Variants in NPRL3 observed in about 807,000 individuals in gnomAD.
The protein encoded by NPRL3 is GATOR1 complex protein NPRL3.
Under a neutral mutation model 57.2 loss-of-function variants are expected in NPRL3, and 23 were observed. That is an observed-to-expected ratio of 0.40 (90% CI 0.29 to 0.57). NPRL3 has a LOEUF of 0.57. NPRL3 is among the 20% of genes least tolerant of loss of function. The pLI, the probability that NPRL3 is intolerant of heterozygous loss-of-function variation, is 0.42. For synonymous variants in NPRL3, 333 were observed against 321.1 expected, an observed-to-expected ratio of 1.04 and a Z score of -0.39; for missense variants, 691 against 767.1, an observed-to-expected ratio of 0.90 and a Z score of 1.17.
At chr16:133,933 C>T (rs934249430) in intron 2 of NPRL3, among the ~76,000 whole-genome samples, 4 of 152,074 alleles carry the variant, frequency 2.6e-5, no homozygotes, top group South Asian at 2.1e-4. Context: ...AACAGATGGG[C>T]GAACAGCCAG....
rs1898456166 is a variant in NPRL3 at position 86,099 on chromosome 16, C to T, written c.*606G>A. The T allele has an allele frequency of 3.7e-6, 1 of 268,804 alleles. No homozygotes were observed. Among genetic ancestry groups the T allele is most frequent in the African/African-American group, 2.2e-5 (1 of 45,460 alleles). The allele number at this position is 268,804 out of a possible 1,614,324, so 16.7% of individuals were successfully genotyped here. On this transcript the variant is annotated 3_prime_UTR_variant, in exon 14 of 14. Transcript: ENST00000611875. ...AGGGCCAGCCCAGGCCCTCGTGCCCCAGATGGTCAGGACCAGGTCACAGCT... is the reference window on the plus strand; with the variant it reads ...AGGGCCAGCCCAGGCCCTCGTGCCCTAGATGGTCAGGACCAGGTCACAGCT...
chr16:102,954 C>T (rs1230015138), intron 7 of NPRL3, among the ~76,000 whole-genome samples: 2 of 152,022 alleles, frequency 1.3e-5, no homozygotes, highest in African/African-American at 4.8e-5. Flanking sequence ...GTCCCAGCCG[C>T]TAAGGAATTA....
chr16:93,166 G>A, intron 10 of NPRL3, 53 bp downstream of exon 10: 2 of 1,207,180 alleles, frequency 1.7e-6, no homozygotes, highest in Non-Finnish European at 2.4e-6. Flanking sequence ...GGCCCTGCCA[G>A]CCTCACCCCT....
At chr16:88,938 C>G (rs1898632476) in intron 12 of NPRL3, 48 bp from the exon 13 acceptor site, 1 of 1,564,380 alleles carries the variant, frequency 6.4e-7, no homozygotes, top group Non-Finnish European at 8.7e-7. Context: ...CCAGGACACC[C>G]AGGGGAACAG....
rs1900182866 is a variant in NPRL3, at chr16:119,227, A to C, written c.217T>G (p.Leu73Val). The change falls in exon 4 of 14, where the codon TTG becomes GTG. Residue 73 changes from leucine (L) to valine (V), a missense_variant. By Grantham distance (32) the Leu-to-Val change is conservative. Transcript: ENST00000611875. Reference sequence around the variant, plus strand: ...CCACACATTTCAGACTTGGTTGCCAAAATTGTTGCCAGAATAACATCTGAA... The same window carrying C: ...CCACACATTTCAGACTTGGTTGCCACAATTGTTGCCAGAATAACATCTGAA... ...RFSDVILATILATKSEMCGQK... is the reference protein window; with the variant it reads ...RFSDVILATIVATKSEMCGQK... 6.2e-7 allele frequency: 1 copy of C among 1,610,492 alleles called. No homozygotes were observed.
chr16:100,952 C>G (rs1278601579), intron 7 of NPRL3, among the ~76,000 whole-genome samples: 1 of 100,124 alleles, frequency 1.0e-5, no homozygotes, highest in Admixed American at 1.5e-4. Flanking sequence ...GCCTGGGCAA[C>G]AAGGCAAGAC....
chr16:130,377 C>T (rs913993587), intron 3 of NPRL3, 145 bp downstream of exon 3: 2 of 771,448 alleles, frequency 2.6e-6, no homozygotes, highest in Non-Finnish European at 2.1e-6. Flanking sequence ...CTCCACTCTA[C>T]ACTACCTGAG....
chr16:112,834 A>G (rs1899877778), intron 5 of NPRL3, 59 bp from the exon 6 acceptor site: 1 of 1,467,270 alleles, frequency 6.8e-7, no homozygotes, highest in East Asian at 2.4e-5. Flanking sequence ...AGCTGGACAC[A>G]GTTTAAATGG....
rs1898404660 is a variant in NPRL3 at position 85,405 on chromosome 16, C to CG, written c.*1299dup. 1.2e-6 allele frequency: 2 copies of CG among 1,602,528 alleles called. No homozygotes were observed. The highest frequency in any genetic ancestry group is 1.7e-6 in the Non-Finnish European group (2 of 1,173,966). On this transcript the variant is annotated 3_prime_UTR_variant, in exon 14 of 14. Coordinates refer to ENST00000611875, the MANE Select transcript of NPRL3 (RefSeq NM_001077350.3). ...TCCAAACTGTCCGTCCCACAGGGGA[C>CG]GGGGCTTGCGTCTTGCTGCGAGCAC...
chr16:111,012 T>C (rs1330769981), intron 6 of NPRL3, among the ~76,000 whole-genome samples: 1 of 152,184 alleles, frequency 6.6e-6, no homozygotes, highest in Non-Finnish European at 1.5e-5. Context: ...TCACAGACTC[T>C]AAAAAGATAA....
chr16:94,451 A>G (rs553081764), intron 9 of NPRL3, among the ~76,000 whole-genome samples: 96 of 152,370 alleles, frequency 6.3e-4, no homozygotes, highest in African/African-American at 2.1e-3. Context: ...ACCTCAGCTC[A>G]GAAAACAGGG....
intron 3 of NPRL3, 112 bp from the exon 4 acceptor site, chr16:119,367 C>CAGT: frequency 9.3e-7 from 1 of 1,075,208 alleles, no homozygotes; most frequent in Non-Finnish European, 1.3e-6. Context: ...CATGGAGTTG[C>CAGT]TCTGCCCCGA....
chr16:129,259 G>A (rs930229611), intron 3 of NPRL3, among the ~76,000 whole-genome samples: 3 of 152,226 alleles, frequency 2.0e-5, no homozygotes, highest in African/African-American at 7.2e-5. Context: ...GCTGATCTGT[G>A]GCACAGGTGG....
chr16:88,623 T>C, intron 13 of NPRL3, 75 bp downstream of exon 13: 1 of 1,313,818 alleles, frequency 7.6e-7, no homozygotes, highest in South Asian at 1.4e-5. Flanking sequence ...GGTGGTTCTG[T>C]TGCGTACGTC....
chr16:117,740 G>C (rs1900107369), intron 4 of NPRL3, among the ~76,000 whole-genome samples: 2 of 152,242 alleles, frequency 1.3e-5, no homozygotes, highest in African/African-American at 4.8e-5. Flanking sequence ...CGCATACTCA[G>C]AACAATTGAG....
At chr16:122,735 T>C (rs1900335668) in intron 3 of NPRL3, among the ~76,000 whole-genome samples, 1 of 151,714 alleles carries the variant, frequency 6.6e-6, no homozygotes. Flanking sequence ...TATTCTGGAG[T>C]AGGGTTTGCT....
At chr16:96,648 CAA>C (rs68086908) in intron 9 of NPRL3, among the ~76,000 whole-genome samples, 4 of 100,252 alleles carry the variant, frequency 4.0e-5, no homozygotes, top group African/African-American at 4.4e-5. Flanking sequence ...CCGTCTCTAC[CAA>C]AAAAAAAAAA....
intron 2 of NPRL3, 147 bp downstream of exon 2, chr16:138,003 T>C (rs1901189806): frequency 1.6e-6 from 1 of 617,976 alleles, no homozygotes; most frequent in South Asian, 2.2e-5. Flanking sequence ...ATTTTTTTTT[T>C]CCTTTTTCTA....
At chr16:99,635 CAAAA>C (rs11289693) in intron 8 of NPRL3, among the ~76,000 whole-genome samples, 12 of 119,230 alleles carry the variant, frequency 1.0e-4, no homozygotes, top group Admixed American at 2.6e-4. Flanking sequence ...GACTACATCT[CAAAA>C]AAAAAAAAAA....
Sources: gnomAD v4.1 joint callset for allele counts (sites outside exome capture counted in the v4.1 genomes callset) on GRCh38, gnomAD v4.1.1 for gene constraint, MANE v1.5 for transcripts, NCBI Gene and HGNC (gene_info 2026-07-23, HGNC 2026-07-21) for gene names.